The following GRID2 variants were observed in gnomAD, a reference collection of about 807,000 sequenced individuals.
GRID2 encodes the protein glutamate ionotropic receptor delta type subunit 2.
Under a neutral mutation model 114.8 loss-of-function variants are expected in GRID2, and 33 were observed. The observed-to-expected ratio is 0.29, with a 90% CI of 0.22 to 0.38. GRID2 has a LOEUF of 0.38. GRID2 is among the 10% of genes least tolerant of loss of function. The pLI, the probability that GRID2 is intolerant of heterozygous loss-of-function variation, is 1.00. For missense variants in GRID2, 1,184 were observed against 1,257.7 expected (o/e 0.94, Z 0.89); for synonymous variants, 505 against 449.9 (o/e 1.12, Z -1.55).
chr4:93,810,138 G>A (rs764050698), exon 2 of GRID2: 13 of 152,086 alleles, frequency 8.5e-5, no homozygotes, highest in Non-Finnish European at 1.3e-4. Context: ...AGTCACCTAC[G>A]GCCACACGTT....
At chr4:92,791,999 T>A (rs1197516227) in intron 2 of GRID2, among the ~76,000 whole-genome samples, 2 of 151,844 alleles carry the variant, frequency 1.3e-5, no homozygotes, top group Non-Finnish European at 2.9e-5. Flanking sequence ...GCTGTCTTGT[T>A]TCCATAACAT....
intron 1 of GRID2, among the ~76,000 whole-genome samples, chr4:93,799,727 CT>C (rs1323101902): frequency 1.3e-5 from 2 of 151,966 alleles, no homozygotes. Context: ...CAAGTATATC[CT>C]TTGTTTCTTT....
intron 13 of GRID2, among the ~76,000 whole-genome samples, chr4:93,610,869 G>T (rs910237382): frequency 7.3e-6 from 1 of 136,754 alleles, no homozygotes; most frequent in African/African-American, 3.1e-5. Flanking sequence ...CTATTGATTG[G>T]AATAGTTTCA....
chr4:93,127,035 A>G (rs1034875181), intron 4 of GRID2, among the ~76,000 whole-genome samples: 1 of 152,216 alleles, frequency 6.6e-6, no homozygotes, highest in East Asian at 1.9e-4. Context: ...ATCACTCTGT[A>G]AGTTAACACT....
chr4:93,350,205 G>A (rs1188181491), intron 8 of GRID2, among the ~76,000 whole-genome samples: 1 of 152,090 alleles, frequency 6.6e-6, no homozygotes, highest in Non-Finnish European at 1.5e-5. Context: ...ACCACTGCCT[G>A]CAGCATAAAG....
chr4:93,106,687 T>A (rs904951217), intron 3 of GRID2, among the ~76,000 whole-genome samples: 2 of 152,202 alleles, frequency 1.3e-5, no homozygotes, highest in Middle Eastern at 3.2e-3. Context: ...GAATCTTCTC[T>A]CATTGAACTT....
At chr4:93,384,727 T>A (rs1579905047) in intron 8 of GRID2, among the ~76,000 whole-genome samples, 1 of 152,174 alleles carries the variant, frequency 6.6e-6, no homozygotes, top group African/African-American at 2.4e-5. Flanking sequence ...ACTAGATTGT[T>A]TCTTGCTGCA....
chr4:93,689,515 T>C (rs776051794), intron 14 of GRID2, among the ~76,000 whole-genome samples: 1 of 152,008 alleles, frequency 6.6e-6, no homozygotes, highest in Non-Finnish European at 1.5e-5. Context: ...TCAGACTTCC[T>C]TGAACTGGAG....
intron 1 of GRID2, among the ~76,000 whole-genome samples, chr4:92,553,909 C>G (rs1726723944): frequency 6.6e-6 from 1 of 152,194 alleles, no homozygotes; most frequent in Non-Finnish European, 1.5e-5. Flanking sequence ...CTTGGCCTCC[C>G]AAAGTGCTGG....
At chr4:93,078,299 CT>C (rs796098521) in intron 2 of GRID2, among the ~76,000 whole-genome samples, 31 of 152,260 alleles carry the variant, frequency 2.0e-4, no homozygotes, top group African/African-American at 6.0e-4. Context: ...CTTCCCCAAT[CT>C]CTAGTTGAGG....
At chr4:92,870,213 A>G (rs1745172172) in intron 2 of GRID2, among the ~76,000 whole-genome samples, 2 of 151,430 alleles carry the variant, frequency 1.3e-5, no homozygotes, top group South Asian at 4.2e-4. Context: ...AAAAAGAACA[A>G]AAAAACCATA....
At chr4:92,704,753 C>G (rs1163479553) in intron 2 of GRID2, among the ~76,000 whole-genome samples, 1 of 150,642 alleles carries the variant, frequency 6.6e-6, no homozygotes, top group African/African-American at 2.4e-5. Context: ...CTCCCTCCCT[C>G]TCTCCCTCTC....
chr4:92,739,997 A>G (rs1300984529), intron 2 of GRID2, among the ~76,000 whole-genome samples: 1 of 152,204 alleles, frequency 6.6e-6, no homozygotes, highest in Non-Finnish European at 1.5e-5. Context: ...CTATCCTTAT[A>G]TTCTTTTAAA....
chr4:93,614,820 A>C (rs1741425819), intron 13 of GRID2, among the ~76,000 whole-genome samples: 1 of 152,226 alleles, frequency 6.6e-6, no homozygotes, highest in Admixed American at 6.5e-5. Flanking sequence ...GGGGAACATA[A>C]ATACTACAGG....
Position 93,085,014 on chromosome 4 carries a change from AGGCATCTT to A in GRID2, c.268_275del (p.Ile90ProfsTer48). Reference sequence around the variant, plus strand: ...TTGCAGCCTGTGAACTTATGAATCAAGGCATCTTGGCCCTGGTCAGCTCCATTGGCTGC... The same window carrying A: ...TTGCAGCCTGTGAACTTATGAATCAAGGCCCTGGTCAGCTCCATTGGCTGC... On this transcript the variant is annotated frameshift_variant, in exon 3 of 16. Transcript: ENST00000282020. LOFTEE classifies it high-confidence loss of function. 6.2e-7 allele frequency: 1 copy of A among 1,613,940 alleles called. No homozygotes were observed. Among genetic ancestry groups the A allele is most frequent in the Non-Finnish European group, 8.5e-7 (1 of 1,179,824 alleles).
intron 13 of GRID2, among the ~76,000 whole-genome samples, chr4:93,569,573 A>G (rs954953854): frequency 1.6e-4 from 24 of 152,194 alleles, no homozygotes; most frequent in Admixed American, 3.9e-4. Flanking sequence ...TGTCACTTTT[A>G]TGCTTCAAAT....
intron 2 of GRID2, among the ~76,000 whole-genome samples, chr4:92,865,218 G>T (rs891964086): frequency 6.6e-6 from 1 of 152,076 alleles, no homozygotes; most frequent in Non-Finnish European, 1.5e-5. Flanking sequence ...TGCCTTTACT[G>T]TCATAATATT....
chr4:93,340,761 A>T (rs1759565556), intron 8 of GRID2, among the ~76,000 whole-genome samples: 1 of 152,210 alleles, frequency 6.6e-6, no homozygotes, highest in South Asian at 2.1e-4. Flanking sequence ...TAGGAGCAGT[A>T]ACATTTATAC....
chr4:93,769,008 C>CAG (rs1436613446), intron 14 of GRID2, among the ~76,000 whole-genome samples: 2 of 152,076 alleles, frequency 1.3e-5, no homozygotes, highest in Admixed American at 1.3e-4. Context: ...GAGAGGAAAG[C>CAG]AGTGTGGTGC....
Sources: gnomAD v4.1 joint callset for allele counts (sites outside exome capture counted in the v4.1 genomes callset) on GRCh38, gnomAD v4.1.1 for gene constraint, MANE v1.5 for transcripts, NCBI Gene and HGNC (gene_info 2026-07-23, HGNC 2026-07-21) for gene names.